Variants in TNFSF15 observed in about 807,000 individuals in gnomAD.
TNFSF15 encodes TNF superfamily member 15, also known as tumor necrosis factor ligand superfamily member 15.
A neutral mutation model predicts 26.4 loss-of-function variants in TNFSF15; 15 were observed. The observed-to-expected ratio is 0.57, with a 90% CI of 0.38 to 0.87. The LOEUF (loss-of-function observed/expected upper bound fraction) is 0.87. Among genes scored for constraint, TNFSF15 ranks in the 40% least tolerant of loss-of-function variants. The pLI, the probability that TNFSF15 is intolerant of heterozygous loss-of-function variation, is 0.00. For synonymous variants in TNFSF15, 116 were observed against 115.0 expected, an observed-to-expected ratio of 1.01 and a Z score of -0.06; for missense variants, 290 against 306.1, an observed-to-expected ratio of 0.95 and a Z score of 0.39.
Position 114,786,237 on chromosome 9 carries a change from G to A in TNFSF15, c.*4215C>T, listed in dbSNP as rs1256340104. On this transcript the variant is annotated 3_prime_UTR_variant, in exon 4 of 4. Coordinates refer to ENST00000374045, the MANE Select transcript of TNFSF15 (RefSeq NM_005118.4). ...TATCAAAACACTTCTAGGACTCTGG[G>A]CCATAGGAAAGCCAGAAATCTTAAG... 1.3e-5 allele frequency: 2 copies of A among 152,230 alleles called. No individual in the cohort carries two copies. The highest frequency in any genetic ancestry group is 2.9e-5 in the Non-Finnish European group (2 of 68,044). 9.4% of individuals were successfully genotyped at this position (152,230 alleles called of 1,614,324 possible). A position where few individuals can be genotyped will look rare whatever the true frequency, so the allele number is the denominator to read the frequency against.
chr9:114,805,655 C>A (rs1257979041), intron 1 of TNFSF15, 148 bp downstream of exon 1: 2 of 743,894 alleles, frequency 2.7e-6, no homozygotes, highest in African/African-American at 3.5e-5. Flanking sequence ...AACCTCTCCA[C>A]CCCTCCCACT....
chr9:114,792,329 T>A, intron 3 of TNFSF15, 78 bp downstream of exon 3: 1 of 1,547,720 alleles, frequency 6.5e-7, no homozygotes, highest in East Asian at 2.3e-5. Flanking sequence ...GCCACTAGAA[T>A]GAATTTTGGT....
Position 114,788,811 on chromosome 9 carries a change from T to A in TNFSF15, c.*1641A>T, listed in dbSNP as rs765070476. 6.6e-6 allele frequency: 1 copy of A among 152,146 alleles called. No homozygotes were observed. Among genetic ancestry groups the A allele is most frequent in the Non-Finnish European group, 1.5e-5 (1 of 68,038 alleles). The allele number at this position is 152,146 out of a possible 1,614,324, so 9.4% of individuals were successfully genotyped here. On this transcript the variant is annotated 3_prime_UTR_variant, in exon 4 of 4. Transcript: ENST00000374045. ...GGCAGATTCCTGCTTTGCAGACAAG[T>A]CAACAAAGGCTAGGAGAACAGAGCT...
At chr9:114,790,949 T>A in intron 3 of TNFSF15, 43 bp from the exon 4 acceptor site, 1 of 1,592,444 alleles carries the variant, frequency 6.3e-7, no homozygotes, top group African/African-American at 1.3e-5. Flanking sequence ...ATTGGGAAAC[T>A]GTAGACTTTG....
chr9:114,791,049 A>G, intron 3 of TNFSF15, 143 bp from the exon 4 acceptor site: 1 of 733,658 alleles, frequency 1.4e-6, no homozygotes, highest in South Asian at 1.8e-5. Flanking sequence ...GGAATGAATG[A>G]AGAATATGTG....
chr9:114,801,723 AT>A (rs1249539685), intron 1 of TNFSF15, among the ~76,000 whole-genome samples: 2 of 152,202 alleles, frequency 1.3e-5, no homozygotes, highest in Non-Finnish European at 2.9e-5. Context: ...TTCAAGCTGG[AT>A]TTTAACTTTC....
At chr9:114,796,035 C>T (rs934835923) in intron 1 of TNFSF15, among the ~76,000 whole-genome samples, 2 of 152,170 alleles carry the variant, frequency 1.3e-5, no homozygotes. Context: ...ACAGTCTGTC[C>T]AGCCCCTTTC....
In TNFSF15 at chr9:114,786,357, T is replaced by C. The variant is rs1042981537; in HGVS notation, c.*4095A>G. ...AATGTCACAATCATGGAAACAGAAT[T>C]GGGTAAGGGCTTGGGAAAATACCTT... is the stretch of plus-strand genomic sequence containing the variant. On this transcript the variant is annotated 3_prime_UTR_variant, in exon 4 of 4. Transcript: ENST00000374045. 4 of 152,156 alleles carry C rather than the reference T, an allele frequency of 2.6e-5. No homozygotes were observed. Among genetic ancestry groups the C allele is most frequent in the Non-Finnish European group, 5.9e-5 (4 of 68,030 alleles). The allele number at this position is 152,156 out of a possible 1,614,324, so 9.4% of individuals were successfully genotyped here.
At chr9:114,804,342 C>A (rs535653078) in intron 1 of TNFSF15, among the ~76,000 whole-genome samples, 211 of 152,298 alleles carry the variant, frequency 1.4e-3, no homozygotes, top group Middle Eastern at 6.8e-3. Context: ...TCTGGCTGGG[C>A]AAGTCATGGA....
chr9:114,805,783 C>T lies in TNFSF15; in HGVS notation c.210+20G>A, dbSNP rs753547590. 6.2e-7 allele frequency: 1 copy of T among 1,610,456 alleles called. No individual in the cohort carries two copies. The highest frequency in any genetic ancestry group is 8.5e-7 in the Non-Finnish European group (1 of 1,178,488). On this transcript the variant is annotated intron_variant, in intron 1 of 3. Transcript: ENST00000374045. ...AGAGTCCACTGCTCCTCCCCAAGGT[C>T]AGAGTGCCATGTGGCTTACCTGGAA...
Position 114,787,581 on chromosome 9 carries a change from C to T in TNFSF15, c.*2871G>A, listed in dbSNP as rs1334241807. 1 of 152,740 alleles carries T rather than the reference C, an allele frequency of 6.5e-6. No homozygotes were observed. The highest frequency in any genetic ancestry group is 1.9e-4 in the East Asian group (1 of 5,196). 9.5% of individuals were successfully genotyped at this position (152,740 alleles called of 1,614,324 possible). A position where few individuals can be genotyped will look rare whatever the true frequency, so the allele number is the denominator to read the frequency against. Reference sequence around the variant, plus strand: ...TGTTTTCTAAAGCATGCTTCTTCCTCCCTCCCAAACCCTGAATACACCCCA... The same window carrying T: ...TGTTTTCTAAAGCATGCTTCTTCCTTCCTCCCAAACCCTGAATACACCCCA... On this transcript the variant is annotated 3_prime_UTR_variant, in exon 4 of 4. Coordinates refer to ENST00000374045, the MANE Select transcript of TNFSF15 (RefSeq NM_005118.4).
At chr9:114,796,309 C>A (rs1287716674) in intron 1 of TNFSF15, among the ~76,000 whole-genome samples, 1 of 152,160 alleles carries the variant, frequency 6.6e-6, no homozygotes. Context: ...TCTAAAGCAT[C>A]ACTTTATCTA....
intron 1 of TNFSF15, among the ~76,000 whole-genome samples, chr9:114,802,357 A>G (rs1315538117): frequency 6.6e-6 from 1 of 152,050 alleles, no homozygotes; most frequent in African/African-American, 2.4e-5. Context: ...GGTTCAAGTG[A>G]TTATCCTGAC....
chr9:114,786,688 G>A lies in TNFSF15; in HGVS notation c.*3764C>T, dbSNP rs1350995904. 3.3e-5 allele frequency: 5 copies of A among 151,936 alleles called. No homozygotes were observed. The highest frequency in any genetic ancestry group is 3.9e-4 in the East Asian group (2 of 5,188). 9.4% of individuals were successfully genotyped at this position (151,936 alleles called of 1,614,324 possible). On this transcript the variant is annotated 3_prime_UTR_variant, in exon 4 of 4. Transcript: ENST00000374045. The stretch of plus-strand genomic sequence containing the variant: ...AGCACTTTGGAAGGCTGAGGCGGGC[G>A]GATCACGAGGTCAGGAGATCGAGAC...
intron 1 of TNFSF15, among the ~76,000 whole-genome samples, chr9:114,796,206 C>T (rs1452682973): frequency 1.3e-5 from 2 of 152,200 alleles, no homozygotes; most frequent in Non-Finnish European, 2.9e-5. Flanking sequence ...TGCTGCTCTC[C>T]TGGATTCTTT....
At chr9:114,799,886 T>C (rs1203877154) in intron 1 of TNFSF15, among the ~76,000 whole-genome samples, 2 of 152,220 alleles carry the variant, frequency 1.3e-5, no homozygotes, top group African/African-American at 4.8e-5. Context: ...CTGCCTCTGG[T>C]TTCCCTTCCC....
At position 114,805,664 on chromosome 9, in the gene TNFSF15, C is replaced by T. The variant is rs1829811084; in HGVS notation, c.210+139G>A. ...AAATTGAACCTCTCCACCCCTCCCACTCTACATTTCCTCTGCATGTAGAAA... is the reference window on the plus strand; with the variant it reads ...AAATTGAACCTCTCCACCCCTCCCATTCTACATTTCCTCTGCATGTAGAAA... On this transcript the variant is annotated intron_variant, in intron 1 of 3. Coordinates refer to ENST00000374045, the MANE Select transcript of TNFSF15 (RefSeq NM_005118.4). 3 of 816,592 alleles carry T rather than the reference C, an allele frequency of 3.7e-6. No individual in the cohort carries two copies. The African/African-American group carries it at 5.2e-5, about 14-fold the overall frequency. The allele number at this position is 816,592 out of a possible 1,614,324, so 50.6% of individuals were successfully genotyped here.
Position 114,787,663 on chromosome 9 carries a change from T to G in TNFSF15, c.*2789A>C, listed in dbSNP as rs1466910028. On this transcript the variant is annotated 3_prime_UTR_variant, in exon 4 of 4. Coordinates refer to ENST00000374045, the MANE Select transcript of TNFSF15 (RefSeq NM_005118.4). ...TTAAAAGCATTTTCCCACCTCACTT[T>G]TGAAAACAGTGCACTAATTTTTGCT... The G allele has an allele frequency of 6.5e-6, 1 of 153,624 alleles. No individual in the cohort carries two copies. The highest frequency in any genetic ancestry group is 1.5e-5 in the Non-Finnish European group (1 of 68,042). The allele number at this position is 153,624 out of a possible 1,614,324, so 9.5% of individuals were successfully genotyped here.
intron 1 of TNFSF15, among the ~76,000 whole-genome samples, chr9:114,801,156 G>A (rs2131307014): frequency 6.6e-6 from 1 of 152,348 alleles, no homozygotes; most frequent in East Asian, 1.9e-4. Flanking sequence ...GAGTGCCACT[G>A]CTGGGCTTGG....
Sources: gnomAD v4.1 joint callset for allele counts (sites outside exome capture counted in the v4.1 genomes callset) on GRCh38, gnomAD v4.1.1 for gene constraint, MANE v1.5 for transcripts, NCBI Gene and HGNC (gene_info 2026-07-23, HGNC 2026-07-21) for gene names.